EDAR: variants seen among roughly 807,000 people sequenced by gnomAD.
EDAR encodes the protein ectodysplasin A receptor.
Under a neutral mutation model 51.3 loss-of-function variants are expected in EDAR, and 38 were observed. The observed-to-expected ratio is 0.74, with a 90% CI of 0.57 to 0.97. EDAR has a LOEUF of 0.97. Among genes scored for constraint, EDAR ranks in the 50% least tolerant of loss-of-function variants. The pLI is 0.00. For missense variants in EDAR, 528 were observed against 595.0 expected (o/e 0.89, Z 1.17); for synonymous variants, 227 against 242.1 (o/e 0.94, Z 0.58).
intron 5 of EDAR, among the ~76,000 whole-genome samples, chr2:108,921,655 C>T (rs1442502737): frequency 6.6e-6 from 1 of 152,198 alleles, no homozygotes; most frequent in African/African-American, 2.4e-5. Context: ...TTGCTGACTG[C>T]TGGGCAGGTG....
chr2:108,906,662 T>C (rs909663219), intron 10 of EDAR, among the ~76,000 whole-genome samples: 5 of 152,238 alleles, frequency 3.3e-5, no homozygotes, highest in Admixed American at 1.3e-4. Context: ...AAGATGACCA[T>C]GGGGACCCCC....
intron 1 of EDAR, among the ~76,000 whole-genome samples, chr2:108,986,382 G>A (rs1218426699): frequency 6.6e-6 from 1 of 152,146 alleles, no homozygotes; most frequent in Non-Finnish European, 1.5e-5. Flanking sequence ...AGATACAGGA[G>A]GGGGAGTGTT....
At chr2:108,980,726 G>A (rs137934924) in intron 1 of EDAR, among the ~76,000 whole-genome samples, 145 of 152,126 alleles carry the variant, frequency 9.5e-4, no homozygotes, top group Non-Finnish European at 1.7e-3. Context: ...TTGGGCCAGC[G>A]CGTTTTGGGC....
intron 1 of EDAR, among the ~76,000 whole-genome samples, chr2:108,978,993 G>A (rs1029088714): frequency 4.6e-5 from 7 of 152,230 alleles, no homozygotes; most frequent in Non-Finnish European, 1.0e-4. Context: ...AGGGGGTGTA[G>A]TGTGTGAAGT....
At chr2:108,911,860 T>C (rs1696934558) in intron 6 of EDAR, among the ~76,000 whole-genome samples, 1 of 152,208 alleles carries the variant, frequency 6.6e-6, no homozygotes, top group African/African-American at 2.4e-5. Flanking sequence ...GCCTCCCCTG[T>C]GGGTGCATCT....
intron 5 of EDAR, among the ~76,000 whole-genome samples, chr2:108,913,159 C>T (rs1265304978): frequency 1.3e-5 from 2 of 152,058 alleles, no homozygotes; most frequent in Non-Finnish European, 2.9e-5. Flanking sequence ...CCATGTTAGC[C>T]AGGATGGGCT....
chr2:108,954,431 G>GGT (rs1697882178), intron 1 of EDAR, among the ~76,000 whole-genome samples: 1 of 152,164 alleles, frequency 6.6e-6, no homozygotes. Context: ...ACTTTGGATA[G>GGT]GTGTGGTGGT....
chr2:108,917,024 G>A (rs1305213876), intron 5 of EDAR, among the ~76,000 whole-genome samples: 1 of 152,234 alleles, frequency 6.6e-6, no homozygotes, highest in Non-Finnish European at 1.5e-5. Context: ...TGCGCTCGGA[G>A]CTCGGCAATA....
intron 5 of EDAR, among the ~76,000 whole-genome samples, chr2:108,919,060 C>T (rs260641): frequency 0.099 from 15,124 of 152,028 alleles, 874 homozygotes; most frequent in African/African-American, 0.14. Flanking sequence ...CATTGCTCAG[C>T]GGGTCCCTGG....
At chr2:108,935,052 T>G (rs1697440491) in intron 1 of EDAR, among the ~76,000 whole-genome samples, 1 of 152,204 alleles carries the variant, frequency 6.6e-6, no homozygotes, top group African/African-American at 2.4e-5. Context: ...ACCTAGTGCC[T>G]GTAGGCATTT....
intron 1 of EDAR, among the ~76,000 whole-genome samples, chr2:108,986,317 G>A (rs1301653378): frequency 1.3e-5 from 2 of 152,082 alleles, no homozygotes; most frequent in Non-Finnish European, 1.5e-5. Context: ...TTGATCCCTC[G>A]CCTCTGAGGA....
At position 108,989,039 on chromosome 2, in the gene EDAR, T is replaced by C. The variant is rs1698545994; in HGVS notation, c.-98A>G. Reference sequence around the variant, plus strand: ...AAGTCAGGTACCATCCAGTTCTGGGTGACAGGCTTCACAGGTGGCCACCGT... The same window carrying C: ...AAGTCAGGTACCATCCAGTTCTGGGCGACAGGCTTCACAGGTGGCCACCGT... On this transcript the variant is annotated 5_prime_UTR_variant, in exon 1 of 12. Transcript: ENST00000258443. 6.6e-6 allele frequency: 1 copy of C among 152,420 alleles called. No individual in the cohort carries two copies. The highest frequency in any genetic ancestry group is 1.9e-4 in the East Asian group (1 of 5,194). 9.4% of individuals were successfully genotyped at this position (152,420 alleles called of 1,614,324 possible).
chr2:108,925,651 T>A (rs968684700), intron 4 of EDAR, among the ~76,000 whole-genome samples: 44 of 152,244 alleles, frequency 2.9e-4, no homozygotes, highest in Admixed American at 1.4e-3. Context: ...ACAGTCTCCT[T>A]CTGTTGCCCA....
intron 1 of EDAR, among the ~76,000 whole-genome samples, chr2:108,942,349 A>C (rs1481257162): frequency 1.3e-5 from 2 of 152,190 alleles, no homozygotes; most frequent in Non-Finnish European, 2.9e-5. Flanking sequence ...TTGGGAACAG[A>C]GGTCTGGGAG....
intron 1 of EDAR, among the ~76,000 whole-genome samples, chr2:108,980,390 G>A (rs1217102692): frequency 6.6e-6 from 1 of 152,006 alleles, no homozygotes; most frequent in Non-Finnish European, 1.5e-5. Flanking sequence ...TGGTGGGCAC[G>A]CCCTGCCGCT....
intron 5 of EDAR, among the ~76,000 whole-genome samples, chr2:108,918,860 ATC>A (rs1697076120): frequency 6.6e-6 from 1 of 152,154 alleles, no homozygotes; most frequent in South Asian, 2.1e-4. Flanking sequence ...TTTAGGAATG[ATC>A]TGTTTGTTGA....
intron 11 of EDAR, among the ~76,000 whole-genome samples, chr2:108,899,934 C>A (rs997589288): frequency 6.6e-6 from 1 of 151,864 alleles, no homozygotes; most frequent in Non-Finnish European, 1.5e-5. Flanking sequence ...TGCAGTGAGC[C>A]GAGATCGTGT....
intron 11 of EDAR, among the ~76,000 whole-genome samples, chr2:108,900,243 T>G (rs554797833): frequency 2.3e-4 from 35 of 152,176 alleles, no homozygotes; most frequent in South Asian, 6.2e-4. Context: ...AATGACTACA[T>G]TTAATGTAAA....
chr2:108,915,201 G>A (rs770290472), intron 5 of EDAR, among the ~76,000 whole-genome samples: 4 of 152,232 alleles, frequency 2.6e-5, no homozygotes, highest in Admixed American at 6.5e-5. Context: ...TGTAATCCAT[G>A]CCTGGGCTGG....
Sources: gnomAD v4.1 joint callset for allele counts (sites outside exome capture counted in the v4.1 genomes callset) on GRCh38, gnomAD v4.1.1 for gene constraint, MANE v1.5 for transcripts, NCBI Gene and HGNC (gene_info 2026-07-23, HGNC 2026-07-21) for gene names.